SMG6: variants seen among roughly 807,000 people sequenced by gnomAD.
SMG6 encodes the protein SMG6 nonsense mediated mRNA decay factor.
In SMG6, 66 loss-of-function variants were observed where a neutral mutation model predicts 142.2. That is an observed-to-expected ratio of 0.46 (90% CI 0.38 to 0.57). The LOEUF is 0.57. Ranked by LOEUF, SMG6 falls within the 20% of genes least tolerant of loss-of-function variation. The pLI is 0.00. For synonymous variants in SMG6, 779 were observed against 702.4 expected (o/e 1.11, Z -1.72); for missense variants, 1,793 against 1,832.0 (o/e 0.98, Z 0.39).
Position 2,125,011 on chromosome 17 carries a change from G to C in SMG6, c.3358-39110C>G, listed in dbSNP as rs142799611. On this transcript the variant is annotated intron_variant, in intron 13 of 18. Transcript: ENST00000263073. ...TAATCAGCATCTCCATTTGGAGAAG[G>C]AATTTCTTTTAAAAACACCTCATTT... is the stretch of plus-strand genomic sequence containing the variant. 5.2e-3 allele frequency among the ~76,000 whole-genome samples: 788 copies of C among 152,234 alleles called. 6 individuals are homozygous for C. Among genetic ancestry groups the C allele is most frequent in the Middle Eastern group, 0.01 (3 of 294 alleles).
At chr17:2,107,517 C>T (rs1451232461) in intron 13 of SMG6, among the ~76,000 whole-genome samples, 4 of 152,192 alleles carry the variant, frequency 2.6e-5, no homozygotes, top group Non-Finnish European at 5.9e-5. Flanking sequence ...ACCACCCAAC[C>T]TGCCAGCCTT....
intron 12 of SMG6, chr17:2,173,111 G>C: frequency 2.0e-6 from 1 of 498,762 alleles, no homozygotes; most frequent in Non-Finnish European, 3.6e-6. Flanking sequence ...AGAGGAAAAA[G>C]AATTTGGAGA....
chr17:2,201,933 A>C (rs1244475867), intron 10 of SMG6, among the ~76,000 whole-genome samples: 2 of 152,020 alleles, frequency 1.3e-5, no homozygotes, highest in African/African-American at 4.8e-5. Flanking sequence ...CTGAGGCAGG[A>C]GAATCGCTTG....
At chr17:2,257,863 T>C (rs1334414763) in intron 8 of SMG6, among the ~76,000 whole-genome samples, 1 of 151,178 alleles carries the variant, frequency 6.6e-6, no homozygotes, top group African/African-American at 2.4e-5. Flanking sequence ...AATACAAAAA[T>C]TAGCTGATGG....
intron 13 of SMG6, among the ~76,000 whole-genome samples, chr17:2,170,072 T>C (rs1327101308): frequency 6.6e-6 from 1 of 151,994 alleles, no homozygotes; most frequent in Admixed American, 6.6e-5. Context: ...TTTACCAAGA[T>C]GGGGAAGGGT....
chr17:2,109,706 A>G (rs2069255129), intron 13 of SMG6, among the ~76,000 whole-genome samples: 1 of 152,224 alleles, frequency 6.6e-6, no homozygotes, highest in South Asian at 2.1e-4. Context: ...TTTGAAGTAT[A>G]GTTTCAGTGC....
intron 13 of SMG6, among the ~76,000 whole-genome samples, chr17:2,094,239 C>T (rs1453634894): frequency 6.6e-6 from 1 of 152,108 alleles, no homozygotes; most frequent in Non-Finnish European, 1.5e-5. Context: ...CCTGCAAACC[C>T]TGCAACGTAA....
chr17:2,299,510 T>C lies in SMG6; in HGVS notation c.1243A>G (p.Thr415Ala), dbSNP rs2075222623. Residue 415 changes from threonine (T) to alanine (A), a missense_variant, in exon 2 of 19, where the codon ACC (threonine) becomes GCC (alanine). By Grantham distance (58) the Thr-to-Ala change is moderately conservative. Transcript: ENST00000263073. This position sits in a 1 kb window ranked among gnomAD's most constrained non-coding sequence, Gnocchi z 4.3. ...GRGILILPAHTTLSVNSAGSP... is the reference protein window; with the variant it reads ...GRGILILPAHATLSVNSAGSP... The stretch of plus-strand genomic sequence containing the variant: ...CCTGCTGAATTGACAGATAGGGTGG[T>C]ATGGGCAGGCAAAATCAGAATGCCA... 2 of 1,613,950 alleles carry C rather than the reference T, an allele frequency of 1.2e-6. No homozygotes were observed. The highest frequency in any genetic ancestry group is 1.7e-6 in the Non-Finnish European group (2 of 1,180,026).
rs1482598718 is a variant in SMG6, at chr17:2,153,915, G to A, written c.3357+18743C>T. Among the ~76,000 whole-genome samples, 13 of 145,502 alleles carry A rather than the reference G, an allele frequency of 8.9e-5. No homozygotes were observed. The East Asian group carries it at 2.5e-3, about 28-fold the overall frequency. ...CCTGGGGAGGCACGTAGAGTGTGAC[G>A]GTGACGGGGGAACCTGGGGATGCAC... On this transcript the variant is annotated intron_variant, in intron 13 of 18. Coordinates refer to ENST00000263073, the MANE Select transcript of SMG6 (RefSeq NM_017575.5).
chr17:2,101,784 T>C (rs1445704206), intron 13 of SMG6: 2 of 152,220 alleles, frequency 1.3e-5, no homozygotes, highest in African/African-American at 2.4e-5. Flanking sequence ...GCTTCGATTA[T>C]AGAGGTGAGG....
intron 14 of SMG6, chr17:2,082,244 A>C: frequency 2.8e-6 from 1 of 353,056 alleles, no homozygotes; most frequent in South Asian, 5.9e-5. Context: ...CTTTACTCAC[A>C]CTCTGTGTTC....
chr17:2,060,459 A>G lies in SMG6; in HGVS notation c.*1033T>C, dbSNP rs1045224884. 2.6e-5 allele frequency: 4 copies of G among 152,292 alleles called. No homozygotes were observed. The highest frequency in any genetic ancestry group is 4.4e-5 in the Non-Finnish European group (3 of 68,084). The allele number at this position is 152,292 out of a possible 1,614,324, so 9.4% of individuals were successfully genotyped here. A position where few individuals can be genotyped will look rare whatever the true frequency, so the allele number is the denominator to read the frequency against. On this transcript the variant is annotated 3_prime_UTR_variant, in exon 19 of 19. Coordinates refer to ENST00000263073, the MANE Select transcript of SMG6 (RefSeq NM_017575.5). ...TCCCAGCACAGGAGCCGAGGGTGGA[A>G]GGCCCTGGGTGGGAGACCTGTACTA...
Position 2,298,936 on chromosome 17 carries a change from G to A in SMG6, c.1817C>T (p.Pro606Leu), listed in dbSNP as rs763224611. 12 of 1,613,836 alleles carry A rather than the reference G, an allele frequency of 7.4e-6. No homozygotes were observed. Among genetic ancestry groups the A allele is most frequent in the Admixed American group, 3.3e-5 (2 of 59,974 alleles). Residue 606 changes from proline to leucine, a missense_variant, in exon 2 of 19, where the codon CCG becomes CTG. By Grantham distance (98) the Pro-to-Leu change is moderately conservative (BLOSUM62 -3). Coordinates refer to ENST00000263073, the MANE Select transcript of SMG6 (RefSeq NM_017575.5). Reference protein sequence around the residue: ...SNLLSRDRISPEGLEKMAQLR... With the variant: ...SNLLSRDRISLEGLEKMAQLR... ...TTGCGCCATCTTCTCCAGGCCCTCC[G>A]GACTGATGCGGTCCCTGGAGAGCAG...
intron 8 of SMG6, among the ~76,000 whole-genome samples, chr17:2,252,252 A>G (rs1465289379): frequency 1.3e-5 from 2 of 152,070 alleles, no homozygotes; most frequent in African/African-American, 4.8e-5. Context: ...TCTACTAAAA[A>G]TACAAAAATT....
intron 13 of SMG6, among the ~76,000 whole-genome samples, chr17:2,092,980 C>T (rs1277588235): frequency 1.3e-5 from 2 of 152,006 alleles, no homozygotes; most frequent in South Asian, 4.1e-4. Flanking sequence ...GGATCACCTG[C>T]GGTCAGGAGT....
At chr17:2,264,391 T>C (rs956213789) in intron 8 of SMG6, among the ~76,000 whole-genome samples, 1 of 152,156 alleles carries the variant, frequency 6.6e-6, no homozygotes, top group African/African-American at 2.4e-5. Flanking sequence ...CAAAACTACA[T>C]CTTTACATTG....
chr17:2,298,423 T>C (rs1342168419), intron 2 of SMG6, among the ~76,000 whole-genome samples: 2 of 152,176 alleles, frequency 1.3e-5, no homozygotes, highest in Non-Finnish European at 1.5e-5. Context: ...TAATTATTTC[T>C]AAGACTAGAA....
chr17:2,136,320 G>T (rs1597450136), intron 13 of SMG6, among the ~76,000 whole-genome samples: 1 of 152,218 alleles, frequency 6.6e-6, no homozygotes, highest in South Asian at 2.1e-4. Context: ...TGGGATTACA[G>T]GCATGAGTCA....
intron 13 of SMG6, among the ~76,000 whole-genome samples, chr17:2,168,193 T>A (rs535689754): frequency 1.7e-4 from 25 of 151,348 alleles, no homozygotes; most frequent in Admixed American, 5.3e-4. Context: ...TTTAAAAAAA[T>A]TTTATTTATT....
Sources: allele counts gnomAD v4.1 joint callset (sites outside exome capture counted in the v4.1 genomes callset), GRCh38; gene constraint gnomAD v4.1.1; non-coding constraint Gnocchi (gnomAD v3.1); transcripts MANE v1.5; gene names NCBI Gene and HGNC (gene_info 2026-07-23, HGNC 2026-07-21).